MTUS2: variants seen among roughly 807,000 people sequenced by gnomAD.
The protein encoded by MTUS2 is microtubule associated scaffold protein 2, also known as microtubule-associated tumor suppressor candidate 2.
MTUS2 carries 40 observed loss-of-function variants against 114.1 expected under a neutral mutation model. That is an observed-to-expected ratio of 0.35 (90% CI 0.27 to 0.46). The LOEUF is 0.46. Ranked by LOEUF, MTUS2 falls within the 20% of genes least tolerant of loss-of-function variation. The pLI is 1.00. For missense variants in MTUS2, 1,679 were observed against 1,705.4 expected, an observed-to-expected ratio of 0.98 and a Z score of 0.27; for synonymous variants, 688 against 672.0, an observed-to-expected ratio of 1.02 and a Z score of -0.37.
chr13:29,141,685 C>T (rs918503760), intron 5 of MTUS2, among the ~76,000 whole-genome samples: 2 of 152,050 alleles, frequency 1.3e-5, no homozygotes, highest in Admixed American at 6.6e-5. Flanking sequence ...CTTAAATAAA[C>T]GTTAATGAGT....
chr13:29,360,362 C>G (rs953865002), intron 8 of MTUS2, among the ~76,000 whole-genome samples: 1 of 152,132 alleles, frequency 6.6e-6, no homozygotes, highest in Non-Finnish European at 1.5e-5. Flanking sequence ...CTCCATGTCC[C>G]CTGGCAGCTC....
intron 7 of MTUS2, among the ~76,000 whole-genome samples, chr13:29,347,559 A>G (rs1868820604): frequency 6.6e-6 from 1 of 151,872 alleles, no homozygotes; most frequent in African/African-American, 2.4e-5. Context: ...CTCTCCTCAC[A>G]GCACCTCTGA....
At chr13:28,879,948 A>G (rs1162837030) in intron 2 of MTUS2, among the ~76,000 whole-genome samples, 1 of 152,190 alleles carries the variant, frequency 6.6e-6, no homozygotes, top group African/African-American at 2.4e-5. Flanking sequence ...TGTGCTAATA[A>G]TATCTGAAGT....
intron 2 of MTUS2, among the ~76,000 whole-genome samples, chr13:29,011,243 C>T (rs945813149): frequency 6.6e-6 from 1 of 152,102 alleles, no homozygotes; most frequent in Non-Finnish European, 1.5e-5. Flanking sequence ...TTCATACTTA[C>T]TCAGGTTTGT....
chr13:29,011,810 C>G (rs760287634), intron 2 of MTUS2, among the ~76,000 whole-genome samples: 43 of 152,200 alleles, frequency 2.8e-4, no homozygotes, highest in Non-Finnish European at 4.9e-4. Context: ...GTTTTGCACT[C>G]ACCTGTGCAG....
At chr13:29,316,900 C>A (rs936126440) in intron 6 of MTUS2, among the ~76,000 whole-genome samples, 1 of 152,200 alleles carries the variant, frequency 6.6e-6, no homozygotes, top group African/African-American at 2.4e-5. Context: ...ACTTCCGTTA[C>A]AGCTCATACC....
intron 5 of MTUS2, among the ~76,000 whole-genome samples, chr13:29,210,520 G>A (rs1276973030): frequency 3.3e-5 from 5 of 152,126 alleles, no homozygotes; most frequent in African/African-American, 1.2e-4. Context: ...CATATTACCA[G>A]AATTGTTTTT....
chr13:29,044,632 T>G (rs1048978438), intron 4 of MTUS2, among the ~76,000 whole-genome samples: 1 of 152,194 alleles, frequency 6.6e-6, no homozygotes, highest in Non-Finnish European at 1.5e-5. Flanking sequence ...TTTGAGTATT[T>G]CTTCTGGTTT....
intron 6 of MTUS2, among the ~76,000 whole-genome samples, chr13:29,292,399 G>A (rs1005246017): frequency 6.6e-6 from 1 of 152,122 alleles, no homozygotes; most frequent in African/African-American, 2.4e-5. Flanking sequence ...ATTCTTTTCT[G>A]GTTCACTCAT....
intron 2 of MTUS2, among the ~76,000 whole-genome samples, chr13:29,016,841 G>A (rs1265627325): frequency 6.6e-6 from 1 of 152,178 alleles, no homozygotes; most frequent in African/African-American, 2.4e-5. Flanking sequence ...ATACATAGCT[G>A]CAGAGTCCCT....
At chr13:29,023,464 C>G (rs1489659921) in intron 2 of MTUS2, among the ~76,000 whole-genome samples, 2 of 152,194 alleles carry the variant, frequency 1.3e-5, no homozygotes, top group Non-Finnish European at 2.9e-5. Context: ...CTCATATGCA[C>G]ACACACATAC....
At chr13:29,053,529 A>G (rs1212997557) in intron 4 of MTUS2, among the ~76,000 whole-genome samples, 1 of 152,180 alleles carries the variant, frequency 6.6e-6, no homozygotes, top group Non-Finnish European at 1.5e-5. Flanking sequence ...CCTTTCCATA[A>G]TCCCCTGAAT....
intron 5 of MTUS2, among the ~76,000 whole-genome samples, chr13:29,105,056 A>C (rs952028841): frequency 6.6e-6 from 1 of 152,206 alleles, no homozygotes; most frequent in Non-Finnish European, 1.5e-5. Context: ...TATTTTGAAC[A>C]CTGACACGAT....
chr13:28,916,815 A>G (rs188833797), intron 2 of MTUS2, among the ~76,000 whole-genome samples: 12 of 151,742 alleles, frequency 7.9e-5, no homozygotes, highest in East Asian at 1.9e-4. Context: ...CTGAGTGACA[A>G]TGGTGAAAGT....
chr13:29,363,232 C>A (rs111927305), intron 8 of MTUS2, among the ~76,000 whole-genome samples: 7 of 152,178 alleles, frequency 4.6e-5, no homozygotes, highest in African/African-American at 1.4e-4. Flanking sequence ...ATGGTCCTCA[C>A]CCTGCAGCAT....
At chr13:29,409,794 C>T (rs1304189364) in intron 8 of MTUS2, among the ~76,000 whole-genome samples, 4 of 145,904 alleles carry the variant, frequency 2.7e-5, no homozygotes, top group African/African-American at 5.0e-5. Context: ...TTTCTTCATT[C>T]GTCTTTTTTT....
chr13:29,195,345 T>C (rs970721661), intron 5 of MTUS2, among the ~76,000 whole-genome samples: 3 of 151,778 alleles, frequency 2.0e-5, no homozygotes, highest in African/African-American at 7.2e-5. Flanking sequence ...GCTAAAAAAT[T>C]CTATTTCCTA....
At chr13:29,292,753 A>G (rs1898770589) in intron 6 of MTUS2, among the ~76,000 whole-genome samples, 1 of 152,122 alleles carries the variant, frequency 6.6e-6, no homozygotes, top group Non-Finnish European at 1.5e-5. Context: ...GAAAAGATCC[A>G]GTGTAGTTTG....
intron 5 of MTUS2, among the ~76,000 whole-genome samples, chr13:29,230,402 C>T (rs541133613): frequency 7.2e-5 from 11 of 152,228 alleles, no homozygotes; most frequent in South Asian, 4.1e-4. Flanking sequence ...TTCTCTACTT[C>T]GGTATTCTGT....
Sources: allele counts gnomAD v4.1 joint callset (sites outside exome capture counted in the v4.1 genomes callset), GRCh38; gene constraint gnomAD v4.1.1; transcripts MANE v1.5; gene names NCBI Gene and HGNC (gene_info 2026-07-23, HGNC 2026-07-21).